The following PAPSS1 variants were observed in gnomAD, a reference collection of about 807,000 sequenced individuals.
PAPSS1 encodes 3'-phosphoadenosine 5'-phosphosulfate synthase 1, also known as bifunctional 3'-phosphoadenosine 5'-phosphosulfate synthase 1.
In PAPSS1, 50 loss-of-function variants were observed where a neutral mutation model predicts 72.0. That is an observed-to-expected ratio of 0.69 (90% CI 0.55 to 0.88). PAPSS1 has a LOEUF of 0.88. PAPSS1 is among the 40% of genes least tolerant of loss of function. The pLI, the probability that PAPSS1 is intolerant of heterozygous loss-of-function variation, is 0.00. For synonymous variants in PAPSS1, 261 were observed against 263.6 expected (o/e 0.99, Z 0.09); for missense variants, 657 against 782.2 (o/e 0.84, Z 1.91).
chr4:107,656,960 T>A lies in PAPSS1; in HGVS notation c.831A>T (p.Pro277=). The A allele has an allele frequency of 6.2e-7, 1 of 1,614,060 alleles. No homozygotes were observed. Among genetic ancestry groups the A allele is most frequent in the Non-Finnish European group, 8.5e-7 (1 of 1,179,934 alleles). ...VQVLAEGWAT[P]LNGFMREREY... is the part of the protein sequence containing the mutation. ...CCCTCTCTCTCATAAAGCCATTCAA[T>A]GGGGTTGCCCAACCTTCTGCCAAAA... The change falls in exon 7 of 12, where the codon CCA becomes CCT. Residue 277 remains proline (P), a synonymous_variant. Transcript: ENST00000265174.
At chr4:107,683,893 TA>T (rs1160806318) in intron 4 of PAPSS1, among the ~76,000 whole-genome samples, 1 of 151,962 alleles carries the variant, frequency 6.6e-6, no homozygotes. Flanking sequence ...AAAAGCTTTT[TA>T]AAAAAATAAG....
At chr4:107,642,535 A>C (rs1726576481) in intron 10 of PAPSS1, among the ~76,000 whole-genome samples, 1 of 152,234 alleles carries the variant, frequency 6.6e-6, no homozygotes, top group Non-Finnish European at 1.5e-5. Flanking sequence ...GTTATACATT[A>C]ACTAGCAATC....
chr4:107,685,050 C>T (rs560094703), intron 4 of PAPSS1, among the ~76,000 whole-genome samples: 3 of 152,112 alleles, frequency 2.0e-5, no homozygotes, highest in African/African-American at 7.2e-5. Flanking sequence ...GGACTACAGG[C>T]GCCCGCCACC....
intron 4 of PAPSS1, among the ~76,000 whole-genome samples, chr4:107,684,814 G>C (rs1048286012): frequency 1.3e-5 from 2 of 152,100 alleles, no homozygotes; most frequent in Admixed American, 6.5e-5. Context: ...ACCAAGCTGT[G>C]CCTCAACGAC....
intron 11 of PAPSS1, among the ~76,000 whole-genome samples, chr4:107,622,874 T>A (rs986607945): frequency 6.6e-6 from 1 of 152,236 alleles, no homozygotes; most frequent in African/African-American, 2.4e-5. Context: ...ACCTGTGGAA[T>A]TACAAAAGAG....
At chr4:107,681,923 C>G (rs1393701653) in intron 5 of PAPSS1, 92 bp downstream of exon 5, 6 of 672,200 alleles carry the variant, frequency 8.9e-6, no homozygotes, top group Non-Finnish European at 1.6e-5. Context: ...AAATGTTACT[C>G]AATATTAACA....
chr4:107,640,667 T>C (rs1448024541), intron 10 of PAPSS1, among the ~76,000 whole-genome samples: 1 of 152,150 alleles, frequency 6.6e-6, no homozygotes, highest in Non-Finnish European at 1.5e-5. Flanking sequence ...AGCAGCTCAA[T>C]CCAACAGCCT....
intron 5 of PAPSS1, 100 bp downstream of exon 5, chr4:107,681,915 A>G: frequency 1.5e-6 from 1 of 654,606 alleles, no homozygotes. Flanking sequence ...TAAAATACAA[A>G]TGTTACTCAA....
intron 9 of PAPSS1, among the ~76,000 whole-genome samples, chr4:107,649,971 C>T (rs541872804): frequency 6.6e-6 from 1 of 152,210 alleles, no homozygotes; most frequent in Non-Finnish European, 1.5e-5. Context: ...CTTGCAATCA[C>T]CGATGTGTGT....
At chr4:107,644,664 G>T in intron 10 of PAPSS1, 138 bp downstream of exon 10, 1 of 778,340 alleles carries the variant, frequency 1.3e-6, no homozygotes, top group Non-Finnish European at 1.9e-6. Context: ...TCCCTAACGA[G>T]CAGGAAAGAA....
rs1727668051 is a variant in PAPSS1 at position 107,676,952 on chromosome 4, TA to T, written c.669+5062del. 1.3e-5 allele frequency among the ~76,000 whole-genome samples: 2 copies of T among 152,200 alleles called. 1 individual carries two copies. The highest frequency in any genetic ancestry group is 4.1e-4 in the South Asian group (2 of 4,832). On this transcript the variant is annotated intron_variant, in intron 5 of 11. Coordinates refer to ENST00000265174, the MANE Select transcript of PAPSS1 (RefSeq NM_005443.5). Reference sequence around the variant, plus strand: ...AATGGGGAAACGATTCCCTATTTAATAAATGGTGCTGGGAAAACTGGCTAGC... The same window carrying T: ...AATGGGGAAACGATTCCCTATTTAATAATGGTGCTGGGAAAACTGGCTAGC...
chr4:107,623,328 A>AT (rs1432546619), intron 11 of PAPSS1, among the ~76,000 whole-genome samples: 1 of 151,610 alleles, frequency 6.6e-6, no homozygotes, highest in Non-Finnish European at 1.5e-5. Flanking sequence ...ATCCTTTGTC[A>AT]TTTTTGACTA....
chr4:107,652,153 C>T (rs1290680333), intron 9 of PAPSS1, among the ~76,000 whole-genome samples: 1 of 152,196 alleles, frequency 6.6e-6, no homozygotes, highest in Non-Finnish European at 1.5e-5. Context: ...ACACATTCAC[C>T]TGCCCTTTCT....
At chr4:107,700,204 A>C (rs1723171432) in intron 2 of PAPSS1, among the ~76,000 whole-genome samples, 1 of 152,210 alleles carries the variant, frequency 6.6e-6, no homozygotes, top group African/African-American at 2.4e-5. Context: ...AACTGGTAAC[A>C]ACCACTGTTG....
intron 5 of PAPSS1, among the ~76,000 whole-genome samples, chr4:107,671,522 T>C (rs1403793032): frequency 6.6e-6 from 1 of 152,156 alleles, no homozygotes; most frequent in Non-Finnish European, 1.5e-5. Context: ...CATAAAATTA[T>C]ATAAAATGGT....
intron 1 of PAPSS1, among the ~76,000 whole-genome samples, chr4:107,710,844 T>C (rs942284430): frequency 1.1e-4 from 17 of 152,226 alleles, no homozygotes; most frequent in African/African-American, 3.9e-4. Context: ...AGCGCACCCA[T>C]ACAATGTCAG....
intron 9 of PAPSS1, among the ~76,000 whole-genome samples, chr4:107,653,033 G>A (rs1726891333): frequency 6.7e-6 from 1 of 149,948 alleles, no homozygotes; most frequent in Admixed American, 6.6e-5. Context: ...AAAACATTCT[G>A]AGATACATGA....
intron 5 of PAPSS1, among the ~76,000 whole-genome samples, chr4:107,672,736 C>T (rs536935973): frequency 1.9e-4 from 29 of 152,310 alleles, no homozygotes; most frequent in African/African-American, 7.0e-4. Flanking sequence ...TCCCAGCATG[C>T]AGCTGGAGAT....
chr4:107,632,183 A>G (rs1313909463), intron 10 of PAPSS1, among the ~76,000 whole-genome samples: 1 of 152,182 alleles, frequency 6.6e-6, no homozygotes, highest in African/African-American at 2.4e-5. Flanking sequence ...CCATTTACAC[A>G]GCTCAAAATC....
Sources: allele counts gnomAD v4.1 joint callset (sites outside exome capture counted in the v4.1 genomes callset), GRCh38; gene constraint gnomAD v4.1.1; transcripts MANE v1.5; gene names NCBI Gene and HGNC (gene_info 2026-07-23, HGNC 2026-07-21).